The following FOXP2 variants were observed in gnomAD, a reference collection of about 807,000 sequenced individuals.
FOXP2 encodes forkhead box P2, also known as forkhead box protein P2.
Under a neutral mutation model 115.8 loss-of-function variants are expected in FOXP2, and 12 were observed. The ratio of observed to expected loss-of-function variants is 0.10; its 90% CI spans 0.07 to 0.17. FOXP2 has a LOEUF of 0.17. Ranked by LOEUF, FOXP2 falls within the 10% of genes least tolerant of loss-of-function variation. FOXP2 has a pLI of 1.00. For synonymous variants in FOXP2, 328 were observed against 297.7 expected, an observed-to-expected ratio of 1.10 and a Z score of -1.05; for missense variants, 629 against 843.5, an observed-to-expected ratio of 0.75 and a Z score of 3.15.
chr7:114,516,063 A>T (rs1269372340), intron 2 of FOXP2, among the ~76,000 whole-genome samples: 1 of 152,174 alleles, frequency 6.6e-6, no homozygotes, highest in Non-Finnish European at 1.5e-5. Flanking sequence ...AAACTACTTT[A>T]AAGTTCATAT....
At chr7:114,179,864 G>C (rs1793413224) in intron 1 of FOXP2, among the ~76,000 whole-genome samples, 1 of 151,940 alleles carries the variant, frequency 6.6e-6, no homozygotes, top group Non-Finnish European at 1.5e-5. Flanking sequence ...TTCTTTCTGA[G>C]GCTAACAAGG....
intron 3 of FOXP2, among the ~76,000 whole-genome samples, chr7:114,547,417 C>T (rs529828184): frequency 6.6e-6 from 1 of 152,174 alleles, no homozygotes; most frequent in East Asian, 1.9e-4. Context: ...GATACTTTCA[C>T]TAGGGAACCG....
chr7:114,362,803 T>C (rs1283721827), intron 2 of FOXP2, among the ~76,000 whole-genome samples: 1 of 152,092 alleles, frequency 6.6e-6, no homozygotes, highest in Non-Finnish European at 1.5e-5. Flanking sequence ...TAGCAAGCAT[T>C]TTGACAAAAT....
At chr7:114,613,001 A>G (rs73438599) in intron 3 of FOXP2, among the ~76,000 whole-genome samples, 55 of 152,304 alleles carry the variant, frequency 3.6e-4, no homozygotes, top group African/African-American at 1.2e-3. Flanking sequence ...TTACTTTGTC[A>G]GTGGTTTTAC....
At chr7:114,576,055 T>C (rs1223602642) in intron 3 of FOXP2, among the ~76,000 whole-genome samples, 1 of 151,772 alleles carries the variant, frequency 6.6e-6, no homozygotes, top group Non-Finnish European at 1.5e-5. Context: ...ACTATGGCCC[T>C]TCAGTAAGAA....
chr7:114,287,619 G>A (rs1464853738), intron 1 of FOXP2, among the ~76,000 whole-genome samples: 1 of 151,972 alleles, frequency 6.6e-6, no homozygotes, highest in Non-Finnish European at 1.5e-5. Flanking sequence ...CATTAAGTAT[G>A]TGTTGAAGAG....
intron 1 of FOXP2, among the ~76,000 whole-genome samples, chr7:114,206,953 G>A (rs1304862213): frequency 6.6e-6 from 1 of 152,108 alleles, no homozygotes; most frequent in Non-Finnish European, 1.5e-5. Context: ...ATTCTCATTA[G>A]CAGTCTCTCA....
chr7:114,252,809 C>A (rs1428286119), intron 1 of FOXP2, among the ~76,000 whole-genome samples: 1 of 152,136 alleles, frequency 6.6e-6, no homozygotes, highest in East Asian at 1.9e-4. Flanking sequence ...CTGCTCTGAT[C>A]TTAGTTATTT....
chr7:114,481,168 G>T (rs1234741666), intron 2 of FOXP2, among the ~76,000 whole-genome samples: 3 of 151,122 alleles, frequency 2.0e-5, no homozygotes, highest in African/African-American at 7.3e-5. Context: ...GAGTCATTAT[G>T]TGTATATAAA....
chr7:114,652,073 T>C (rs1806293869), intron 8 of FOXP2, 130 bp from the exon 9 acceptor site: 1 of 804,004 alleles, frequency 1.2e-6, no homozygotes, highest in Non-Finnish European at 2.1e-6. Context: ...TTTATCTGTA[T>C]GGTTTCAAGG....
At chr7:114,166,871 G>A (rs1383797790) in intron 1 of FOXP2, among the ~76,000 whole-genome samples, 3 of 152,112 alleles carry the variant, frequency 2.0e-5, no homozygotes, top group East Asian at 3.8e-4. Context: ...AAACATTGAG[G>A]TACCACTACA....
chr7:114,097,972 C>T (rs553818107), intron 1 of FOXP2, among the ~76,000 whole-genome samples: 18 of 152,202 alleles, frequency 1.2e-4, no homozygotes, highest in African/African-American at 2.6e-4. Context: ...TCTAATCTTC[C>T]GCCCAAGTCA....
intron 2 of FOXP2, among the ~76,000 whole-genome samples, chr7:114,329,630 T>A (rs1357634796): frequency 4.6e-5 from 7 of 151,554 alleles, no homozygotes; most frequent in African/African-American, 1.7e-4. Context: ...CCGTGCCATT[T>A]TTCACTATGT....
chr7:114,116,405 G>A (rs764601554), intron 1 of FOXP2, among the ~76,000 whole-genome samples: 2 of 151,928 alleles, frequency 1.3e-5, no homozygotes, highest in Non-Finnish European at 2.9e-5. Context: ...AAAAAGACAA[G>A]CACAAAATAA....
intron 2 of FOXP2, among the ~76,000 whole-genome samples, chr7:114,480,460 C>T (rs1317520015): frequency 2.0e-5 from 3 of 151,142 alleles, no homozygotes; most frequent in Non-Finnish European, 4.4e-5. Flanking sequence ...AAAAAAGATG[C>T]CTTATTACTT....
intron 2 of FOXP2, among the ~76,000 whole-genome samples, chr7:114,400,094 G>A (rs906862705): frequency 6.6e-6 from 1 of 151,828 alleles, no homozygotes; most frequent in Non-Finnish European, 1.5e-5. Flanking sequence ...TCCTGACCTC[G>A]TGATCCACCC....
intron 2 of FOXP2, among the ~76,000 whole-genome samples, chr7:114,479,880 T>G (rs17372022): frequency 0.16 from 23,497 of 151,468 alleles, 2,556 homozygotes; most frequent in Non-Finnish European, 0.24. Context: ...TTGTTCACAC[T>G]AGACATAGTG....
In FOXP2 at chr7:114,317,650, GA is replaced by G. The variant is rs150194264; in HGVS notation, c.-11+29542del. On this transcript the variant is annotated intron_variant, in intron 2 of 17. Transcript: ENST00000634411. ...GTTTTTGTTCAGCACAGCAGTTAAA[GA>G]GATTCTTTTAAAATTCAAATCATGT... Among the ~76,000 whole-genome samples, 782 of 152,168 alleles carry G rather than the reference GA, an allele frequency of 5.1e-3. 8 individuals carry two copies. The highest frequency in any genetic ancestry group is 0.018 in the African/African-American group (752 of 41,518).
At chr7:114,620,508 A>G (rs773295649) in intron 3 of FOXP2, among the ~76,000 whole-genome samples, 6 of 152,070 alleles carry the variant, frequency 3.9e-5, no homozygotes, top group Non-Finnish European at 8.8e-5. Flanking sequence ...TACATTACCT[A>G]TAATGCTAGA....
Sources: gnomAD v4.1 joint callset for allele counts (sites outside exome capture counted in the v4.1 genomes callset) on GRCh38, gnomAD v4.1.1 for gene constraint, MANE v1.5 for transcripts, NCBI Gene and HGNC (gene_info 2026-07-23, HGNC 2026-07-21) for gene names.